ATAD3B: variants seen among roughly 807,000 people sequenced by gnomAD.
ATAD3B encodes the protein ATPase family AAA domain containing 3B, also known as ATPase family AAA domain-containing protein 3B.
A neutral mutation model predicts 70.2 loss-of-function variants in ATAD3B; 59 were observed. The ratio of observed to expected loss-of-function variants is 0.84; its 90% CI spans 0.68 to 1.04. ATAD3B has a LOEUF of 1.04. Among genes scored for constraint, ATAD3B ranks in the 50% least tolerant of loss-of-function variants. The probability of loss-of-function intolerance (pLI) is 0.00; values close to 1 mark genes in which losing one functional copy is unlikely to be tolerated. For missense variants in ATAD3B, 961 were observed against 913.4 expected (o/e 1.05, Z -0.67); for synonymous variants, 423 against 388.6 (o/e 1.09, Z -1.04).
At position 1,486,009 on chromosome 1, in the gene ATAD3B, C is replaced by T. The variant is rs377502731; in HGVS notation, c.964-101C>T. 1.5e-5 allele frequency: 24 copies of T among 1,596,768 alleles called. No homozygotes were observed. The South Asian group carries it at 2.3e-4, about 16-fold the overall frequency. ...AGGCTGCCCACGAGCTGGGCGGCTT[C>T]CTGAGGAGCAGAGTCCGCACCCGGG... is the stretch of plus-strand genomic sequence containing the variant. On this transcript the variant is annotated intron_variant, in intron 9 of 15. Coordinates refer to ENST00000673477, the MANE Select transcript of ATAD3B (RefSeq NM_031921.6).
the ATAD3B span, chr1:1,503,758 T>C: frequency 2.7e-5 from 41 of 1,544,318 alleles, no homozygotes; most frequent in East Asian, 9.2e-4. Context: ...GCTGGTGGCA[T>C]GTACATGGGC....
the ATAD3B span, among the ~76,000 whole-genome samples, chr1:1,504,813 G>A: frequency 6.6e-6 from 1 of 152,154 alleles, no homozygotes; most frequent in Non-Finnish European, 1.5e-5. Context: ...CTCATGTGGC[G>A]GAGAGAGTGA....
chr1:1,490,473 G>A, intron 14 of ATAD3B, 49 bp downstream of exon 14: 3 of 1,611,524 alleles, frequency 1.9e-6, no homozygotes, highest in African/African-American at 1.3e-5. Context: ...CATATGGCAT[G>A]GGTGTAGGCC....
chr1:1,490,201 CT>C, intron 13 of ATAD3B, 55 bp from the exon 14 acceptor site: 1 of 1,589,608 alleles, frequency 6.3e-7, no homozygotes. Flanking sequence ...CCCCGTTGCC[CT>C]CGGGGCATCT....
At chr1:1,483,161 G>T (rs1270103494) in intron 7 of ATAD3B, 1 of 396,868 alleles carries the variant, frequency 2.5e-6, no homozygotes, top group East Asian at 7.3e-5. Flanking sequence ...GAATTAGCTG[G>T]GTGTGGTGAC....
At chr1:1,486,489 C>T in intron 10 of ATAD3B, 55 bp from the exon 11 acceptor site, 1 of 1,611,614 alleles carries the variant, frequency 6.2e-7, no homozygotes, top group Non-Finnish European at 8.5e-7. Context: ...AGTGTGCAGG[C>T]TTTGCAGAGG....
chr1:1,485,721 T>C (rs1640172017), intron 8 of ATAD3B, 61 bp from the exon 9 acceptor site: 3 of 1,606,318 alleles, frequency 1.9e-6, no homozygotes, highest in East Asian at 2.2e-5. Flanking sequence ...GTGTGTGCGT[T>C]GGTGGCTGTT....
intron 10 of ATAD3B, 55 bp from the exon 11 acceptor site, chr1:1,486,489 C>G: frequency 1.2e-6 from 2 of 1,611,614 alleles, no homozygotes; most frequent in South Asian, 2.2e-5. Flanking sequence ...AGTGTGCAGG[C>G]TTTGCAGAGG....
intron 4 of ATAD3B, among the ~76,000 whole-genome samples, chr1:1,480,393 G>T (rs2100545796): frequency 6.8e-6 from 1 of 146,606 alleles, no homozygotes; most frequent in African/African-American, 2.5e-5. Flanking sequence ...GGGAGGGCTG[G>T]TCAGTGGCGG....
intron 15 of ATAD3B, among the ~76,000 whole-genome samples, chr1:1,491,586 T>TG (rs1172806636): frequency 6.6e-6 from 1 of 151,800 alleles, no homozygotes; most frequent in East Asian, 1.9e-4. Context: ...ACCAGGTCTG[T>TG]GGGGTAGAAG....
chr1:1,491,025 G>T (rs1317516275), intron 15 of ATAD3B, among the ~76,000 whole-genome samples: 2 of 152,004 alleles, frequency 1.3e-5, no homozygotes, highest in African/African-American at 4.8e-5. Flanking sequence ...GTCAGGACAG[G>T]CCCCGTGTGA....
At chr1:1,493,612 C>T (rs948844544) in intron 15 of ATAD3B, among the ~76,000 whole-genome samples, 1 of 151,598 alleles carries the variant, frequency 6.6e-6, no homozygotes, top group Non-Finnish European at 1.5e-5. Flanking sequence ...CCACTGCAAC[C>T]GACCAGTTGA....
At chr1:1,502,500 GC>G (rs1640966310), downstream of ATAD3B, among the ~76,000 whole-genome samples, 1 of 122,854 alleles carries the variant, frequency 8.1e-6, no homozygotes, top group African/African-American at 3.4e-5. Flanking sequence ...GAGCCACCGT[GC>G]CCAGCATTTT....
the ATAD3B span, among the ~76,000 whole-genome samples, chr1:1,504,984 A>G: frequency 6.6e-6 from 1 of 152,134 alleles, no homozygotes; most frequent in African/African-American, 2.4e-5. Context: ...CCAGCTCCAC[A>G]GGTTCGGTGG....
chr1:1,494,586 G>A (rs147532078), intron 15 of ATAD3B, among the ~76,000 whole-genome samples: 2,119 of 151,986 alleles, frequency 0.014, 48 homozygotes, highest in South Asian at 0.028. Context: ...TTGGCGAGGG[G>A]TGGGCGCTGG....
At chr1:1,485,656 G>C (rs1484077004) in intron 8 of ATAD3B, 126 bp from the exon 9 acceptor site, 6 of 1,458,620 alleles carry the variant, frequency 4.1e-6, no homozygotes, top group Admixed American at 4.0e-5. Context: ...TTCCAGCTCC[G>C]GGCCGGTCCT....
downstream of ATAD3B, among the ~76,000 whole-genome samples, chr1:1,502,635 C>G (rs1024117226): frequency 4.6e-5 from 7 of 151,198 alleles, no homozygotes; most frequent in Admixed American, 3.3e-4. Context: ...CCTCAGCCTC[C>G]CAAGTAGCTG....
At chr1:1,491,739 G>A (rs1321203343) in intron 15 of ATAD3B, among the ~76,000 whole-genome samples, 3 of 151,974 alleles carry the variant, frequency 2.0e-5, no homozygotes, top group African/African-American at 7.2e-5. Context: ...GAACGTAGGA[G>A]CCGGGGTATG....
rs1639967280 is a variant in ATAD3B at position 1,482,431 on chromosome 1, C to T, written c.681-114C>T. ...GCTGACTCCTTGGTGGGGGCACTGC[C>T]CCTCTGTCCTGGCAAGGCCGTGCCG... On this transcript the variant is annotated intron_variant, in intron 6 of 15. Coordinates refer to ENST00000673477, the MANE Select transcript of ATAD3B (RefSeq NM_031921.6). 6.9e-6 allele frequency: 11 copies of T among 1,592,332 alleles called. 1 individual carries two copies. Among genetic ancestry groups the T allele is most frequent in the South Asian group, 2.3e-5 (2 of 88,004 alleles).
Sources: allele counts gnomAD v4.1 joint callset (sites outside exome capture counted in the v4.1 genomes callset), GRCh38; gene constraint gnomAD v4.1.1; transcripts MANE v1.5; gene names NCBI Gene and HGNC (gene_info 2026-07-23, HGNC 2026-07-21).